DPP6: variants seen among roughly 807,000 people sequenced by gnomAD.
DPP6 encodes dipeptidyl peptidase like 6.
Under a neutral mutation model 122.6 loss-of-function variants are expected in DPP6, and 69 were observed. The ratio of observed to expected loss-of-function variants is 0.56; its 90% CI spans 0.46 to 0.69. The LOEUF is 0.69. Among genes scored for constraint, DPP6 ranks in the 30% least tolerant of loss-of-function variants. The pLI is 0.00. For missense variants in DPP6, 928 were observed against 1,116.9 expected (o/e 0.83, Z 2.41); for synonymous variants, 418 against 433.1 (o/e 0.97, Z 0.43).
At chr7:154,385,929 G>T (rs1814066599) in intron 1 of DPP6, among the ~76,000 whole-genome samples, 2 of 152,160 alleles carry the variant, frequency 1.3e-5, no homozygotes, top group Non-Finnish European at 2.9e-5. Context: ...CCTGTAAAAA[G>T]CAAGAAGCAC....
At chr7:153,808,411 A>G in the DPP6 span, among the ~76,000 whole-genome samples, 1 of 141,768 alleles carries the variant, frequency 7.1e-6, no homozygotes, top group Admixed American at 6.8e-5. Flanking sequence ...GTGTGCCTGT[A>G]TGTGTGTCTG....
At chr7:153,757,005 A>G in the DPP6 span, among the ~76,000 whole-genome samples, 1 of 152,240 alleles carries the variant, frequency 6.6e-6, no homozygotes, top group Non-Finnish European at 1.5e-5. Context: ...CCTCAAATGC[A>G]GTATTTCAAT....
chr7:153,957,509 A>G (rs1268920232), intron 1 of DPP6, among the ~76,000 whole-genome samples: 1 of 152,222 alleles, frequency 6.6e-6, no homozygotes, highest in Non-Finnish European at 1.5e-5. Context: ...GGAGCAGTAA[A>G]GCTGATGGGA....
intron 2 of DPP6, among the ~76,000 whole-genome samples, chr7:154,466,759 T>G (rs2151328751): frequency 6.6e-6 from 1 of 152,354 alleles, no homozygotes. Context: ...TGGCCCTGTC[T>G]TACCTAACAC....
At chr7:154,059,337 C>G (rs1481971920) in intron 1 of DPP6, 2 of 158,876 alleles carry the variant, frequency 1.3e-5, no homozygotes. Context: ...GGCTTAGGGC[C>G]CCCATCGTTG....
At chr7:153,983,969 C>T (rs1356349677) in intron 1 of DPP6, among the ~76,000 whole-genome samples, 1 of 151,830 alleles carries the variant, frequency 6.6e-6, no homozygotes, top group East Asian at 1.9e-4. Context: ...CTGGGAGCTG[C>T]AGATCGGAGC....
intron 1 of DPP6, among the ~76,000 whole-genome samples, chr7:154,291,559 G>A (rs545055958): frequency 1.4e-4 from 22 of 152,242 alleles, no homozygotes; most frequent in African/African-American, 4.1e-4. Context: ...TAATGGCTGC[G>A]TCCTCATAGC....
intron 6 of DPP6, among the ~76,000 whole-genome samples, chr7:154,649,545 C>T (rs34556774): frequency 0.19 from 28,882 of 152,254 alleles, 3,305 homozygotes; most frequent in Non-Finnish European, 0.26. Flanking sequence ...CCCTGCCCTC[C>T]GCCCGGTCAC....
At chr7:153,958,945 G>A (rs1172907856) in intron 1 of DPP6, among the ~76,000 whole-genome samples, 3 of 152,000 alleles carry the variant, frequency 2.0e-5, no homozygotes, top group African/African-American at 7.3e-5. Context: ...CCCCCTGCTT[G>A]TAGTAATAAT....
At chr7:154,783,011 C>T (rs4960612) in intron 10 of DPP6, among the ~76,000 whole-genome samples, 39 of 152,064 alleles carry the variant, frequency 2.6e-4, no homozygotes, top group African/African-American at 8.7e-4. Flanking sequence ...CTCGAACTCC[C>T]GACCTCAGGT....
chr7:154,552,910 T>C (rs1295486388), intron 4 of DPP6, among the ~76,000 whole-genome samples: 1 of 152,192 alleles, frequency 6.6e-6, no homozygotes, highest in Non-Finnish European at 1.5e-5. Flanking sequence ...AGATCAGCAT[T>C]TTTTCAATGT....
chr7:153,857,356 C>CTCTG, the DPP6 span, among the ~76,000 whole-genome samples: 1 of 149,864 alleles, frequency 6.7e-6, no homozygotes, highest in African/African-American at 2.4e-5. Flanking sequence ...CTCTCTCTCT[C>CTCTG]TCTCAGCATG....
intron 1 of DPP6, among the ~76,000 whole-genome samples, chr7:154,315,502 T>C (rs1585912777): frequency 6.6e-6 from 1 of 152,260 alleles, no homozygotes; most frequent in South Asian, 2.1e-4. Flanking sequence ...GACTCCAGGT[T>C]GAGCGTCTCT....
the DPP6 span, among the ~76,000 whole-genome samples, chr7:153,765,702 T>C: frequency 3.3e-5 from 5 of 152,338 alleles, no homozygotes; most frequent in South Asian, 1.0e-3. Flanking sequence ...AGCAGAGTAG[T>C]GGAGGACACA....
intron 6 of DPP6, among the ~76,000 whole-genome samples, chr7:154,643,467 C>CT (rs61520162): frequency 4.5e-4 from 53 of 117,530 alleles, no homozygotes; most frequent in Middle Eastern, 4.4e-3. Flanking sequence ...TGAGTAATTT[C>CT]TTTTTTTTTT....
chr7:154,653,479 A>T (rs1489461066), intron 6 of DPP6, among the ~76,000 whole-genome samples: 1 of 152,252 alleles, frequency 6.6e-6, no homozygotes, highest in Non-Finnish European at 1.5e-5. Flanking sequence ...AGCTAGATAG[A>T]TCAATCCATG....
intron 5 of DPP6, chr7:154,588,142 C>T: frequency 6.4e-7 from 1 of 1,556,176 alleles, no homozygotes; most frequent in Non-Finnish European, 8.7e-7. Context: ...TGGAGAGAGA[C>T]ACGCTGTCAT....
Position 154,548,613 on chromosome 7 carries a change from G to T in DPP6, c.552+7987G>T, listed in dbSNP as rs1252008824. ...GAGCTACTGTTCCCTGCAGGCTAAG[G>T]GCTGTGTACCATCACTCCTCCATCA... On this transcript the variant is annotated intron_variant, in intron 4 of 25. Coordinates refer to ENST00000377770, the MANE Select transcript of DPP6 (RefSeq NM_130797.4). Among the ~76,000 whole-genome samples the T allele has an allele frequency of 2.6e-5, 4 of 151,970 alleles. No individual in the cohort carries two copies. In the South Asian group the frequency reaches 8.3e-4, roughly 32 times the overall value.
chr7:153,786,602 G>A, the DPP6 span, among the ~76,000 whole-genome samples: 3 of 151,686 alleles, frequency 2.0e-5, no homozygotes, highest in Non-Finnish European at 2.9e-5. Context: ...AGCCGGGCGT[G>A]GTGGCGCGCA....
Sources: allele counts gnomAD v4.1 joint callset (sites outside exome capture counted in the v4.1 genomes callset), GRCh38; gene constraint gnomAD v4.1.1; transcripts MANE v1.5; gene names NCBI Gene and HGNC (gene_info 2026-07-23, HGNC 2026-07-21).